The following NSFL1C variants were observed in gnomAD, a reference collection of about 807,000 sequenced individuals.
The protein encoded by NSFL1C is NSFL1 cofactor p47.
A neutral mutation model predicts 43.1 loss-of-function variants in NSFL1C; 14 were observed. That is an observed-to-expected ratio of 0.32 (90% CI 0.21 to 0.51). NSFL1C has a LOEUF of 0.51. NSFL1C is among the 20% of genes least tolerant of loss of function. The pLI is 0.98. For synonymous variants in NSFL1C, 171 were observed against 183.5 expected, an observed-to-expected ratio of 0.93 and a Z score of 0.55; for missense variants, 406 against 472.5, an observed-to-expected ratio of 0.86 and a Z score of 1.30.
At chr20:1,461,920 G>GCAAT (rs1347098168) in intron 2 of NSFL1C, among the ~76,000 whole-genome samples, 1 of 152,152 alleles carries the variant, frequency 6.6e-6, no homozygotes, top group East Asian at 1.9e-4. Flanking sequence ...GTCTCCTATA[G>GCAAT]CAATGGTTAA....
chr20:1,446,061 TC>T, intron 7 of NSFL1C: 1 of 577,750 alleles, frequency 1.7e-6, no homozygotes, highest in Non-Finnish European at 3.1e-6. Context: ...GCTCCCTCGC[TC>T]CTGAGTAATG....
rs372614537 is a variant in NSFL1C at position 1,458,975 on chromosome 20, GTTAA to G, written c.204-705_204-702del. 4.3e-3 allele frequency among the ~76,000 whole-genome samples: 656 copies of G among 152,258 alleles called. 1 individual carries two copies. The highest frequency in any genetic ancestry group is 6.0e-3 in the Non-Finnish European group (411 of 68,022). ...ACAACTAAAAATGAGCGTGAGAAGG[GTTAA>G]TTCTCTCTGAAATTATCTTCCACTG... On this transcript the variant is annotated intron_variant, in intron 2 of 8. Transcript: ENST00000216879.
In NSFL1C at chr20:1,451,962, G is replaced by C. The variant is rs112875325; in HGVS notation, c.785+531C>G. On this transcript the variant is annotated intron_variant, in intron 7 of 8. Coordinates refer to ENST00000216879, the MANE Select transcript of NSFL1C (RefSeq NM_016143.5). ...AATGGTGGCACACCAGCCTGCAAAG[G>C]GGCAGCAAGGTTCCTGAGTGTCCCT... 2.0e-3 allele frequency among the ~76,000 whole-genome samples: 298 copies of C among 152,260 alleles called. 1 individual carries two copies. The highest frequency in any genetic ancestry group is 6.9e-3 in the African/African-American group (285 of 41,542).
intron 2 of NSFL1C, among the ~76,000 whole-genome samples, chr20:1,461,450 C>G (rs2090410022): frequency 6.6e-6 from 1 of 152,102 alleles, no homozygotes; most frequent in Non-Finnish European, 1.5e-5. Flanking sequence ...GCGGGCACAC[C>G]TGATCAGGTG....
intron 7 of NSFL1C, among the ~76,000 whole-genome samples, chr20:1,448,136 G>A (rs2090105943): frequency 1.3e-5 from 2 of 152,146 alleles, no homozygotes; most frequent in African/African-American, 4.8e-5. Context: ...GAGCATCTTG[G>A]CACCTCAATT....
At chr20:1,453,988 C>T (rs2090240703) in intron 5 of NSFL1C, among the ~76,000 whole-genome samples, 1 of 152,190 alleles carries the variant, frequency 6.6e-6, no homozygotes, top group Non-Finnish European at 1.5e-5. Context: ...TTCATTTGCC[C>T]ATCCCCTTTC....
intron 1 of NSFL1C, among the ~76,000 whole-genome samples, chr20:1,464,720 T>C (rs1387043545): frequency 6.6e-6 from 1 of 152,232 alleles, no homozygotes; most frequent in East Asian, 1.9e-4. Flanking sequence ...ACACATTTAG[T>C]GAGCATTTAC....
chr20:1,464,760 C>T (rs889175211), intron 1 of NSFL1C, among the ~76,000 whole-genome samples: 3 of 152,160 alleles, frequency 2.0e-5, no homozygotes, highest in South Asian at 4.1e-4. Flanking sequence ...ATTCTACATA[C>T]GTTAATTTGT....
At chr20:1,448,796 A>C (rs2090124721) in intron 7 of NSFL1C, among the ~76,000 whole-genome samples, 1 of 152,174 alleles carries the variant, frequency 6.6e-6, no homozygotes, top group African/African-American at 2.4e-5. Context: ...CCAAAATCCC[A>C]GTGTTGGTTC....
Position 1,443,919 on chromosome 20 carries a change from A to G in NSFL1C, c.951-8T>C, listed in dbSNP as rs1014891532. ...AGTCGGATGTCGCTGATCCTGCAGG[A>G]GTTGGGGAAGCGGTGAGCAGTGCCA... On this transcript the variant is annotated splice_polypyrimidine_tract_variant and splice_region_variant and intron_variant, in intron 8 of 8. Coordinates refer to ENST00000216879, the MANE Select transcript of NSFL1C (RefSeq NM_016143.5). 6.2e-7 allele frequency: 1 copy of G among 1,607,848 alleles called. No homozygotes were observed. The highest frequency in any genetic ancestry group is 8.5e-7 in the Non-Finnish European group (1 of 1,179,054).
intron 3 of NSFL1C, chr20:1,455,922 C>T (rs1599954886): frequency 1.6e-6 from 1 of 624,406 alleles, no homozygotes; most frequent in South Asian, 1.8e-5. Flanking sequence ...AATACAAGCC[C>T]CAAGACACCC....
rs1341282577 is a variant in NSFL1C at position 1,458,180 on chromosome 20, A to T, written c.278+20T>A. ...GACTTCCCTGTGAACTGTCCCCCTGACCCCCTCTAGAAGACTCACCTCTGG... is the reference window on the plus strand; with the variant it reads ...GACTTCCCTGTGAACTGTCCCCCTGTCCCCCTCTAGAAGACTCACCTCTGG... On this transcript the variant is annotated intron_variant, in intron 3 of 8. Transcript: ENST00000216879. 14 of 1,602,936 alleles carry T rather than the reference A, an allele frequency of 8.7e-6. No homozygotes were observed. Among genetic ancestry groups the T allele is most frequent in the Non-Finnish European group, 1.2e-5 (14 of 1,170,220 alleles).
At chr20:1,447,139 G>A (rs538535702) in intron 7 of NSFL1C, among the ~76,000 whole-genome samples, 11 of 152,324 alleles carry the variant, frequency 7.2e-5, no homozygotes, top group Admixed American at 6.5e-4. Flanking sequence ...GAGCTCAGAG[G>A]AGAATGTCAC....
intron 2 of NSFL1C, among the ~76,000 whole-genome samples, chr20:1,462,888 G>A (rs2090443402): frequency 6.6e-6 from 1 of 152,128 alleles, no homozygotes; most frequent in South Asian, 2.1e-4. Flanking sequence ...CAGGTCAATT[G>A]AGAATGAATG....
chr20:1,449,751 T>C (rs2090145991), intron 7 of NSFL1C, among the ~76,000 whole-genome samples: 1 of 152,188 alleles, frequency 6.6e-6, no homozygotes, highest in South Asian at 2.1e-4. Flanking sequence ...CTCCTATCTT[T>C]ACAGGGGGAA....
Position 1,464,331 on chromosome 20 carries a change from G to A in NSFL1C, c.201C>T (p.Pro67=). 1 of 1,613,406 alleles carries A rather than the reference G, an allele frequency of 6.2e-7. No individual in the cohort carries two copies. The highest frequency in any genetic ancestry group is 8.5e-7 in the Non-Finnish European group (1 of 1,179,332). The change falls in exon 2 of 9, where the codon CCC becomes CCT. Residue 67 remains proline (P), a splice_region_variant and synonymous_variant. Coordinates refer to ENST00000216879, the MANE Select transcript of NSFL1C (RefSeq NM_016143.5). ...CGATAATTGAAGCTGGCCCTTACCT[G>A]GGGGCTGTGCCTCTGGACACTGAAC... The part of the protein sequence containing the change: ...TPSSVSRGTA[P]SDNRVTSFRD...
At position 1,452,604 on chromosome 20, in the gene NSFL1C, A is replaced by T. The variant is rs1241630883; in HGVS notation, c.674T>A (p.Leu225Gln). 1 of 1,614,058 alleles carries T rather than the reference A, an allele frequency of 6.2e-7. No individual in the cohort carries two copies. The highest frequency in any genetic ancestry group is 1.1e-5 in the South Asian group (1 of 91,086). The stretch of plus-strand genomic sequence containing the variant: ...CAAGTTCACCTGTCCACCGTGAGCT[A>T]GCCTCCGAAGCTCTGCTGGCACCTC... ...RGEVPAELRRLAHGGQVNLDM... is the reference protein window; with the variant it reads ...RGEVPAELRRQAHGGQVNLDM... The change falls in exon 7 of 9, where the codon CTA (leucine) becomes CAA (glutamine). Residue 225 changes from leucine to glutamine, a missense_variant. Physicochemically the swap from Leu to Gln is moderately radical, Grantham distance 113. Transcript: ENST00000216879.
Position 1,445,646 on chromosome 20 carries a change from G to C in NSFL1C, c.950+20C>G, listed in dbSNP as rs1341270639. The C allele has an allele frequency of 6.2e-7, 1 of 1,611,280 alleles. No homozygotes were observed. Among genetic ancestry groups the C allele is most frequent in the Non-Finnish European group, 8.5e-7 (1 of 1,179,444 alleles). The stretch of plus-strand genomic sequence containing the variant: ...CAGAGGACACTCCTAGAATAAGCTA[G>C]GCCACACAATGCAAGGTACCTGTGG... On this transcript the variant is annotated intron_variant, in intron 8 of 8. Coordinates refer to ENST00000216879, the MANE Select transcript of NSFL1C (RefSeq NM_016143.5).
intron 8 of NSFL1C, 128 bp downstream of exon 8, chr20:1,445,538 T>C: frequency 1.9e-6 from 2 of 1,074,716 alleles, no homozygotes; most frequent in Non-Finnish European, 2.8e-6. Flanking sequence ...CACCCTCGTG[T>C]CTGCTTTGGG....
Sources: allele counts gnomAD v4.1 joint callset (sites outside exome capture counted in the v4.1 genomes callset), GRCh38; gene constraint gnomAD v4.1.1; transcripts MANE v1.5; gene names NCBI Gene and HGNC (gene_info 2026-07-23, HGNC 2026-07-21).